The following SHC3 variants were observed in gnomAD, a reference collection of about 807,000 sequenced individuals.
The protein encoded by SHC3 is SHC-transforming protein 3.
Under a neutral mutation model 60.4 loss-of-function variants are expected in SHC3, and 15 were observed. The ratio of observed to expected loss-of-function variants is 0.25; its 90% CI spans 0.17 to 0.38. The LOEUF (loss-of-function observed/expected upper bound fraction) is 0.38, where lower values mean the gene tolerates loss of function less well. Ranked by LOEUF, SHC3 falls within the 10% of genes least tolerant of loss-of-function variation. The pLI, the probability that SHC3 is intolerant of heterozygous loss-of-function variation, is 1.00. For missense variants in SHC3, 677 were observed against 786.1 expected (o/e 0.86, Z 1.66); for synonymous variants, 294 against 325.9 (o/e 0.90, Z 1.05).
At chr9:89,051,904 C>T in intron 7 of SHC3, 133 bp downstream of exon 7, 1 of 1,301,246 alleles carries the variant, frequency 7.7e-7, no homozygotes, top group South Asian at 1.4e-5. Flanking sequence ...CAGCACCGAC[C>T]AGGTGTCTCT....
At chr9:89,031,175 C>A (rs1443824930) in intron 11 of SHC3, among the ~76,000 whole-genome samples, 1 of 152,150 alleles carries the variant, frequency 6.6e-6, no homozygotes, top group Non-Finnish European at 1.5e-5. Flanking sequence ...TGTGAGCCAC[C>A]ACACCTGACC....
intron 2 of SHC3, among the ~76,000 whole-genome samples, chr9:89,088,193 C>G (rs992134460): frequency 9.9e-5 from 15 of 152,208 alleles, no homozygotes; most frequent in African/African-American, 3.4e-4. Flanking sequence ...AACCCCTTAT[C>G]TTAACCCCGA....
intron 2 of SHC3, 109 bp downstream of exon 2, chr9:89,112,447 C>T: frequency 1.7e-6 from 2 of 1,180,910 alleles, no homozygotes; most frequent in East Asian, 4.8e-5. Context: ...TCACCAGCCA[C>T]TAACCCTCCA....
chr9:89,178,406 C>T lies in SHC3; in HGVS notation c.55G>A (p.Asp19Asn), dbSNP rs779875669. The T allele has an allele frequency of 2.6e-6, 4 of 1,545,470 alleles. No individual in the cohort carries two copies. The South Asian group carries it at 4.8e-5, about 18-fold the overall frequency. ...ACCGACAGGCTGTGGAGAAGGTCATCGACCGATGTCACCGAGTCATTCCTG... is the reference window on the plus strand; with the variant it reads ...ACCGACAGGCTGTGGAGAAGGTCATTGACCGATGTCACCGAGTCATTCCTG... The part of the protein sequence containing the change: ...RFRNDSVTSV[D>N]DLLHSLSVSG... Residue 19 changes from aspartate (D) to asparagine (N), a missense_variant, in exon 1 of 12, where the codon GAT becomes AAT. Transcript: ENST00000375835. The surrounding 1 kb of genome is among the most constrained non-coding windows in gnomAD (Gnocchi z 6.9).
chr9:89,135,164 G>T (rs573895404), intron 1 of SHC3, among the ~76,000 whole-genome samples: 1 of 152,270 alleles, frequency 6.6e-6, no homozygotes, highest in East Asian at 1.9e-4. Context: ...CCAAGGCTTT[G>T]ACTCAAACGG....
intron 1 of SHC3, among the ~76,000 whole-genome samples, chr9:89,168,973 C>T (rs1217283330): frequency 2.0e-5 from 3 of 152,136 alleles, no homozygotes; most frequent in Admixed American, 2.0e-4. Context: ...GGGTCTCAAG[C>T]AGGACAGCAT....
At chr9:89,116,656 G>T (rs747452558) in intron 1 of SHC3, among the ~76,000 whole-genome samples, 2 of 152,154 alleles carry the variant, frequency 1.3e-5, no homozygotes, top group Non-Finnish European at 2.9e-5. Flanking sequence ...GACCTCCCAT[G>T]TCACAGCTAT....
At chr9:89,032,975 C>G (rs1445209950) in intron 11 of SHC3, among the ~76,000 whole-genome samples, 1 of 151,788 alleles carries the variant, frequency 6.6e-6, no homozygotes, top group Non-Finnish European at 1.5e-5. Flanking sequence ...AAGCTGTCCT[C>G]CATAGGATCA....
At chr9:89,063,792 G>C (rs1825130852) in intron 6 of SHC3, among the ~76,000 whole-genome samples, 1 of 152,240 alleles carries the variant, frequency 6.6e-6, no homozygotes, top group African/African-American at 2.4e-5. Flanking sequence ...AATGGTTGTT[G>C]TTAAGCCACT....
At chr9:89,060,728 C>T (rs190549873) in intron 6 of SHC3, among the ~76,000 whole-genome samples, 1 of 152,134 alleles carries the variant, frequency 6.6e-6, no homozygotes, top group Admixed American at 6.5e-5. Flanking sequence ...TAAAAGGATC[C>T]TTCTGTCTGC....
chr9:89,034,504 G>A (rs1478103641), intron 11 of SHC3, among the ~76,000 whole-genome samples: 1 of 152,174 alleles, frequency 6.6e-6, no homozygotes, highest in African/African-American at 2.4e-5. Context: ...GAAATACCAC[G>A]TAAGGGTGAG....
intron 11 of SHC3, chr9:89,037,317 T>C (rs767059480): frequency 1.0e-5 from 6 of 578,988 alleles, no homozygotes; most frequent in Non-Finnish European, 1.8e-5. Context: ...TTGTTTTCAC[T>C]GGATAAAAGG....
intron 6 of SHC3, among the ~76,000 whole-genome samples, chr9:89,061,084 G>A (rs767133760): frequency 6.6e-6 from 1 of 152,158 alleles, no homozygotes; most frequent in Non-Finnish European, 1.5e-5. Context: ...GGCATGGTAC[G>A]TAAAGCACAG....
chr9:89,119,116 G>A (rs907072904), intron 1 of SHC3, among the ~76,000 whole-genome samples: 10 of 152,268 alleles, frequency 6.6e-5, no homozygotes, highest in Admixed American at 6.5e-4. Flanking sequence ...GTCCGGAACT[G>A]AGTAGTTCTA....
At chr9:89,076,578 T>C (rs957054497) in intron 3 of SHC3, among the ~76,000 whole-genome samples, 1 of 152,106 alleles carries the variant, frequency 6.6e-6, no homozygotes, top group African/African-American at 2.4e-5. Flanking sequence ...TTTTTTTTTT[T>C]CCTTCTGACT....
intron 2 of SHC3, among the ~76,000 whole-genome samples, chr9:89,094,103 CAAAA>C (rs1160433992): frequency 5.5e-5 from 4 of 73,050 alleles, no homozygotes; most frequent in Non-Finnish European, 8.3e-5. Context: ...GACTCTGTCT[CAAAA>C]AAAAAAAAAA....
chr9:89,022,600 C>T (rs1193128242), intron 11 of SHC3, among the ~76,000 whole-genome samples: 7 of 152,072 alleles, frequency 4.6e-5, no homozygotes, highest in Non-Finnish European at 1.0e-4. Context: ...AAAACACAAC[C>T]CTGGGTGGAG....
intron 11 of SHC3, among the ~76,000 whole-genome samples, chr9:89,034,426 T>A (rs113704751): frequency 6.6e-6 from 1 of 152,104 alleles, no homozygotes; most frequent in South Asian, 2.1e-4. Flanking sequence ...CCTTTTCAGG[T>A]TTGGAGTGGA....
intron 1 of SHC3, among the ~76,000 whole-genome samples, chr9:89,167,230 G>C (rs1826802488): frequency 6.6e-6 from 1 of 152,142 alleles, no homozygotes; most frequent in Non-Finnish European, 1.5e-5. Context: ...TCTCACCTGA[G>C]TTAATAAGCC....
Sources: allele counts gnomAD v4.1 joint callset (sites outside exome capture counted in the v4.1 genomes callset), GRCh38; gene constraint gnomAD v4.1.1; non-coding constraint Gnocchi (gnomAD v3.1); transcripts MANE v1.5; gene names NCBI Gene and HGNC (gene_info 2026-07-23, HGNC 2026-07-21).